ABCC6: variants seen among roughly 807,000 people sequenced by gnomAD.
The protein encoded by ABCC6 is ATP-binding cassette sub-family C member 6.
In ABCC6, 126 loss-of-function variants were observed where a neutral mutation model predicts 169.5. The ratio of observed to expected loss-of-function variants is 0.74; its 90% CI spans 0.64 to 0.86. The LOEUF is 0.86. Among genes scored for constraint, ABCC6 ranks in the 40% least tolerant of loss-of-function variants. The pLI is 0.00. For synonymous variants in ABCC6, 752 were observed against 814.7 expected, an observed-to-expected ratio of 0.92 and a Z score of 1.31; for missense variants, 1,733 against 1,927.2, an observed-to-expected ratio of 0.90 and a Z score of 1.89.
chr16:16,150,802 C>CAATTA, intron 29 of ABCC6, 30 bp from the exon 30 acceptor site: 1 of 1,609,564 alleles, frequency 6.2e-7, no homozygotes, highest in African/African-American at 1.3e-5. Flanking sequence ...TTAGCTGGGA[C>CAATTA]GTGCGTTTGT....
chr16:16,203,178 C>T (rs558271103), intron 8 of ABCC6, among the ~76,000 whole-genome samples: 31 of 152,354 alleles, frequency 2.0e-4, no homozygotes, highest in African/African-American at 7.2e-4. Context: ...GGGCATTTTA[C>T]AGCAAAAACT....
chr16:16,151,974 C>T (rs1261763753), intron 29 of ABCC6, among the ~76,000 whole-genome samples: 3 of 151,842 alleles, frequency 2.0e-5, no homozygotes, highest in Non-Finnish European at 2.9e-5. Flanking sequence ...GGGCGGATCA[C>T]GAGATCAGGA....
chr16:16,164,145 C>T (rs761561435), intron 23 of ABCC6, among the ~76,000 whole-genome samples: 13 of 151,990 alleles, frequency 8.6e-5, no homozygotes, highest in Admixed American at 2.6e-4. Flanking sequence ...GCAATCCTCC[C>T]GCCTCATCCT....
chr16:16,213,642 C>T (rs2048733121), intron 5 of ABCC6, among the ~76,000 whole-genome samples: 2 of 150,652 alleles, frequency 1.3e-5, no homozygotes, highest in Admixed American at 1.3e-4. Context: ...CTCCCTGCAA[C>T]CTCCACATCC....
intron 27 of ABCC6, 97 bp from the exon 28 acceptor site, chr16:16,155,128 T>C (rs2046507320): frequency 1.4e-6 from 2 of 1,408,668 alleles, no homozygotes; most frequent in Admixed American, 2.0e-5. Flanking sequence ...TGTCTATCCA[T>C]CCCTCATTGT....
intron 1 of ABCC6, 26 bp from the exon 2 acceptor site, chr16:16,221,857 A>T: frequency 6.2e-7 from 1 of 1,612,540 alleles, no homozygotes; most frequent in Non-Finnish European, 8.5e-7. Flanking sequence ...GAGGACCCTT[A>T]GGATGGTACA....
chr16:16,197,622 G>A (rs1016098832), intron 10 of ABCC6, among the ~76,000 whole-genome samples: 2 of 145,802 alleles, frequency 1.4e-5, no homozygotes, highest in African/African-American at 5.1e-5. Context: ...GAGGGGGAAG[G>A]AGGAAAAGGA....
At chr16:16,170,927 A>C (rs1467098638) in intron 21 of ABCC6, among the ~76,000 whole-genome samples, 1 of 120,364 alleles carries the variant, frequency 8.3e-6, no homozygotes, top group Non-Finnish European at 1.7e-5. Flanking sequence ...CTCAAAAAAA[A>C]AAAAAAAAAA....
At chr16:16,197,744 C>CAGAGGG (rs1419091682) in intron 10 of ABCC6, among the ~76,000 whole-genome samples, 1 of 130,858 alleles carries the variant, frequency 7.6e-6, no homozygotes. Context: ...GAGGCTGGGG[C>CAGAGGG]AGAGGGAGAG....
At chr16:16,185,804 C>G (rs1034038008) in intron 14 of ABCC6, among the ~76,000 whole-genome samples, 4 of 152,132 alleles carry the variant, frequency 2.6e-5, no homozygotes, top group Non-Finnish European at 4.4e-5. Context: ...ACTGCTACTA[C>G]TACTAATTAT....
intron 23 of ABCC6, among the ~76,000 whole-genome samples, chr16:16,165,054 T>G (rs1281411373): frequency 6.6e-6 from 1 of 152,220 alleles, no homozygotes; most frequent in Non-Finnish European, 1.5e-5. Context: ...TTCCAGATAA[T>G]TGGAGAGGAA....
chr16:16,177,697 C>T, intron 18 of ABCC6, 71 bp from the exon 19 acceptor site: 1 of 1,569,664 alleles, frequency 6.4e-7, no homozygotes, highest in South Asian at 1.1e-5. Flanking sequence ...AATCCCAACA[C>T]TTTGGGAAGC....
intron 9 of ABCC6, among the ~76,000 whole-genome samples, 177 bp from the exon 10 acceptor site, chr16:16,198,359 A>T (rs2048125217): frequency 6.6e-6 from 1 of 152,162 alleles, no homozygotes; most frequent in Admixed American, 6.6e-5. Context: ...AAAAATGAAA[A>T]TCCTCCAAGA....
At chr16:16,172,983 A>T (rs2856587) in intron 21 of ABCC6, 3 of 432,894 alleles carry the variant, frequency 6.9e-6, no homozygotes, top group South Asian at 4.6e-5. Context: ...TCGAGGCTGC[A>T]GTGAGCTATG....
At chr16:16,197,876 T>C in intron 10 of ABCC6, 145 bp downstream of exon 10, 1 of 939,420 alleles carries the variant, frequency 1.1e-6, no homozygotes, top group South Asian at 1.5e-5. Context: ...GCCTCAGACT[T>C]GCCCTAACCC....
At chr16:16,222,682 C>G (rs1475783434) in intron 1 of ABCC6, among the ~76,000 whole-genome samples, 1 of 151,884 alleles carries the variant, frequency 6.6e-6, no homozygotes, top group Non-Finnish European at 1.5e-5. Flanking sequence ...CCAGCTTGAT[C>G]TGTTATTTTC....
intron 5 of ABCC6, 143 bp from the exon 6 acceptor site, chr16:16,212,389 A>G (rs1372948511): frequency 1.7e-6 from 1 of 604,512 alleles, no homozygotes; most frequent in African/African-American, 2.0e-5. Context: ...GCTCACTACT[A>G]CCTCTGCCTC....
chr16:16,195,144 G>A (rs1250229455), intron 10 of ABCC6, among the ~76,000 whole-genome samples: 1 of 151,916 alleles, frequency 6.6e-6, no homozygotes, highest in African/African-American at 2.4e-5. Flanking sequence ...CTCTGTCTGG[G>A]GGAAAAATGG....
chr16:16,198,562 T>TG (rs1254571921), intron 9 of ABCC6, among the ~76,000 whole-genome samples: 11 of 151,914 alleles, frequency 7.2e-5, no homozygotes, highest in Non-Finnish European at 1.5e-4. Flanking sequence ...TTCCCTCTAA[T>TG]GCCAGGCCAG....
Sources: gnomAD v4.1 joint callset for allele counts (sites outside exome capture counted in the v4.1 genomes callset) on GRCh38, gnomAD v4.1.1 for gene constraint, MANE v1.5 for transcripts, NCBI Gene and HGNC (gene_info 2026-07-23, HGNC 2026-07-21) for gene names.